The following ERCC6L2 variants were observed in gnomAD, a reference collection of about 807,000 sequenced individuals.
ERCC6L2 encodes the protein DNA excision repair protein ERCC-6-like 2.
In ERCC6L2, 77 loss-of-function variants were observed where a neutral mutation model predicts 132.0. The observed-to-expected ratio is 0.58, with a 90% CI of 0.49 to 0.71. The LOEUF (loss-of-function observed/expected upper bound fraction) is 0.71. Among genes scored for constraint, ERCC6L2 ranks in the 30% least tolerant of loss-of-function variants. The probability of loss-of-function intolerance (pLI) is 0.00; values close to 1 mark genes in which losing one functional copy is unlikely to be tolerated. For synonymous variants in ERCC6L2, 583 were observed against 632.4 expected (o/e 0.92, Z 1.17); for missense variants, 1,542 against 1,837.6 (o/e 0.84, Z 2.94).
chr9:95,931,905 T>C (rs930990496), intron 11 of ERCC6L2, among the ~76,000 whole-genome samples: 6 of 152,014 alleles, frequency 3.9e-5, no homozygotes, highest in African/African-American at 1.2e-4. Flanking sequence ...CTTTTTTTTT[T>C]CTTCCTTTTT....
At chr9:95,982,943 C>T (rs1288511297) in intron 17 of ERCC6L2, among the ~76,000 whole-genome samples, 3 of 152,160 alleles carry the variant, frequency 2.0e-5, no homozygotes, top group African/African-American at 7.2e-5. Flanking sequence ...CATCTTTCCA[C>T]ACAGTGATGA....
Position 95,951,694 on chromosome 9 carries a change from C to G in ERCC6L2, c.1848-4220C>G, listed in dbSNP as rs529754995. 1.8e-4 allele frequency among the ~76,000 whole-genome samples: 28 copies of G among 152,198 alleles called. No individual in the cohort carries two copies. In the East Asian group the frequency reaches 5.2e-3, roughly 28 times the overall value. On this transcript the variant is annotated intron_variant, in intron 12 of 18. Coordinates refer to ENST00000653738, the MANE Select transcript of ERCC6L2 (RefSeq NM_020207.7). ...TTTGTATACCAACAAATTGAATAGTCTACGTGAAATGGATGAATTGCTAGA... is the reference window on the plus strand; with the variant it reads ...TTTGTATACCAACAAATTGAATAGTGTACGTGAAATGGATGAATTGCTAGA...
intron 13 of ERCC6L2, among the ~76,000 whole-genome samples, chr9:95,957,225 T>G (rs1831648531): frequency 6.6e-6 from 1 of 152,200 alleles, no homozygotes; most frequent in African/African-American, 2.4e-5. Flanking sequence ...ATATTACATT[T>G]GAATTGCTTC....
rs1833497237 is a variant in ERCC6L2, at chr9:95,997,105, CTG to C, written c.3493-7413_3493-7412del. On this transcript the variant is annotated intron_variant, in intron 17 of 18. Coordinates refer to ENST00000653738, the MANE Select transcript of ERCC6L2 (RefSeq NM_020207.7). The stretch of plus-strand genomic sequence containing the variant: ...TGAAAAGAAAATAAGTTTCATAAGA[CTG>C]TAACTGGCATCAATAATGATTTCTC... Among the ~76,000 whole-genome samples, 5 of 152,202 alleles carry C rather than the reference CTG, an allele frequency of 3.3e-5. No homozygotes were observed. In the South Asian group the frequency reaches 1.0e-3, roughly 31 times the overall value.
At chr9:96,000,109 G>A (rs534359737) in intron 17 of ERCC6L2, among the ~76,000 whole-genome samples, 6 of 152,100 alleles carry the variant, frequency 3.9e-5, no homozygotes, top group Admixed American at 2.0e-4. Flanking sequence ...GGATGGTCTC[G>A]ATCTCCTGAC....
chr9:95,988,465 T>C (rs1039896830), intron 17 of ERCC6L2, among the ~76,000 whole-genome samples: 3 of 152,240 alleles, frequency 2.0e-5, no homozygotes, highest in Non-Finnish European at 4.4e-5. Context: ...GTCTCATGAC[T>C]AACATTACCT....
intron 4 of ERCC6L2, among the ~76,000 whole-genome samples, chr9:95,910,088 A>C (rs1314583098): frequency 6.6e-6 from 1 of 152,202 alleles, no homozygotes; most frequent in South Asian, 2.1e-4. Flanking sequence ...ATAAGACTAG[A>C]TTGGCCAAGA....
At chr9:95,912,377 T>TTG (rs144056886) in intron 4 of ERCC6L2, among the ~76,000 whole-genome samples, 4,582 of 151,690 alleles carry the variant, frequency 0.03, 241 homozygotes, top group African/African-American at 0.11. Context: ...TCCAACAGTT[T>TTG]TGTGTGTGTG....
intron 19 of ERCC6L2, among the ~76,000 whole-genome samples, chr9:96,037,010 C>A (rs1277752309): frequency 6.6e-6 from 1 of 151,998 alleles, no homozygotes; most frequent in Non-Finnish European, 1.5e-5. Flanking sequence ...TCGTGATCCG[C>A]CCGCCTCGGC....
At chr9:96,038,658 T>C (rs1322068606) in intron 19 of ERCC6L2, among the ~76,000 whole-genome samples, 5 of 152,212 alleles carry the variant, frequency 3.3e-5, no homozygotes, top group African/African-American at 1.2e-4. Context: ...CAGCTCTGGC[T>C]ACAGTCAAGG....
intron 19 of ERCC6L2, among the ~76,000 whole-genome samples, chr9:96,032,245 C>T (rs922622142): frequency 3.5e-4 from 54 of 152,334 alleles, no homozygotes; most frequent in Admixed American, 3.3e-3. Flanking sequence ...TGAAAAGCCA[C>T]TCCCATGCCT....
chr9:96,027,506 G>A (rs1383957815), intron 19 of ERCC6L2, among the ~76,000 whole-genome samples: 1 of 152,146 alleles, frequency 6.6e-6, no homozygotes, highest in Non-Finnish European at 1.5e-5. Context: ...GGAGAAGGCG[G>A]CCCGGTTGGA....
At chr9:95,923,992 A>T (rs541495524) in intron 9 of ERCC6L2, among the ~76,000 whole-genome samples, 31 of 152,360 alleles carry the variant, frequency 2.0e-4, no homozygotes, top group African/African-American at 7.5e-4. Context: ...GGCCTTGGGC[A>T]TTGCCTGTGG....
At position 95,881,224 on chromosome 9, in the gene ERCC6L2, T is replaced by A. The variant is rs779954048; in HGVS notation, c.402T>A (p.Leu134=). 1 of 1,603,992 alleles carries A rather than the reference T, an allele frequency of 6.2e-7. No homozygotes were observed. The highest frequency in any genetic ancestry group is 2.2e-5 in the East Asian group (1 of 44,830). Residue 134 remains leucine, a synonymous_variant, in exon 2 of 19, where the codon CTT becomes CTA. Coordinates refer to ENST00000653738, the MANE Select transcript of ERCC6L2 (RefSeq NM_020207.7). Reference sequence around the variant, plus strand: ...ACCAAAGAGAAGGAACCCGGTTTCTTTATGGACACTACATCCATGGAGGAG... The same window carrying A: ...ACCAAAGAGAAGGAACCCGGTTTCTATATGGACACTACATCCATGGAGGAG... The part of the protein sequence containing the change: ...RDYQREGTRF[L]YGHYIHGGGC...
At chr9:95,966,847 T>G (rs757511130) in intron 14 of ERCC6L2, 133 bp downstream of exon 14, 16 of 630,212 alleles carry the variant, frequency 2.5e-5, no homozygotes, top group Non-Finnish European at 3.8e-5. Context: ...GCCTTGGAAT[T>G]TTTACTTTTA....
At chr9:95,948,791 GAAAAAA>G (rs55712485) in intron 12 of ERCC6L2, among the ~76,000 whole-genome samples, 1 of 104,072 alleles carries the variant, frequency 9.6e-6, no homozygotes, top group South Asian at 3.0e-4. Context: ...CAAGACATTA[GAAAAAA>G]AAAAAAAAAA....
intron 20 of ERCC6L2, among the ~76,000 whole-genome samples, chr9:96,040,950 G>A (rs1036016571): frequency 3.3e-5 from 5 of 152,184 alleles, no homozygotes; most frequent in Admixed American, 2.0e-4. Flanking sequence ...ATGCTAATGG[G>A]CCCCCTCTGC....
Position 96,012,455 on chromosome 9 carries a change from C to G in ERCC6L2, c.3905C>G (p.Ser1302Cys), listed in dbSNP as rs751361171. ...RTRKKSDKRE[S>C]LIKPRLSDSE... ...CGGAAGAAATCTGATAAAAGAGAAT[C>G]TCTTATAAAACCAAGGCTGTCAGAT... is the stretch of plus-strand genomic sequence containing the variant. Residue 1302 changes from serine to cysteine, a missense_variant, in exon 19 of 19, where the codon TCT (serine) becomes TGT (cysteine). Physicochemically the swap from Ser to Cys is moderately radical, Grantham distance 112. Around this residue, in one of 4 missense-constraint regions of ERCC6L2, gnomAD observed 442 missense variants for 583.4 expected, o/e 0.76. Transcript: ENST00000653738. 1 of 1,366,334 alleles carries G rather than the reference C, an allele frequency of 7.3e-7. No individual in the cohort carries two copies. The allele number at this position is 1,366,334 out of a possible 1,614,324, so 84.6% of individuals were successfully genotyped here.
Position 95,973,003 on chromosome 9 carries a change from T to A in ERCC6L2, c.3252T>A (p.Thr1084=), listed in dbSNP as rs1294098756. 1.5e-6 allele frequency: 2 copies of A among 1,358,776 alleles called. No homozygotes were observed. Among genetic ancestry groups the A allele is most frequent in the Non-Finnish European group, 2.0e-6 (2 of 1,017,694 alleles). 84.2% of individuals were successfully genotyped at this position (1,358,776 alleles called of 1,614,324 possible). The change falls in exon 16 of 19, where the codon ACT becomes ACA. Residue 1084 remains threonine (T), a synonymous_variant. Transcript: ENST00000653738. ...CTAGCCATAATAAGAAAAATAGCAC[T>A]TTTATTCCAAGAAAACCAATGAAAT... The part of the protein sequence containing the change: ...KLPSHNKKNS[T]FIPRKPMKCS...
Sources: gnomAD v4.1 joint callset for allele counts (sites outside exome capture counted in the v4.1 genomes callset) on GRCh38, gnomAD v4.1.1 for gene constraint, gnomAD v4.1.1 regional missense constraint, MANE v1.5 for transcripts, NCBI Gene and HGNC (gene_info 2026-07-23, HGNC 2026-07-21) for gene names.